SH3BP1: variants seen among roughly 807,000 people sequenced by gnomAD.
SH3BP1 encodes the protein SH3 domain binding protein 1.
Under a neutral mutation model 69.8 loss-of-function variants are expected in SH3BP1, and 46 were observed. The observed-to-expected ratio is 0.66, with a 90% CI of 0.52 to 0.84. The LOEUF (loss-of-function observed/expected upper bound fraction) is 0.84, where lower values mean the gene tolerates loss of function less well. Among genes scored for constraint, SH3BP1 ranks in the 40% least tolerant of loss-of-function variants. The pLI is 0.00. For synonymous variants in SH3BP1, 403 were observed against 378.0 expected, an observed-to-expected ratio of 1.07 and a Z score of -0.77; for missense variants, 868 against 930.9, an observed-to-expected ratio of 0.93 and a Z score of 0.88.
chr22:37,643,151 C>G lies in SH3BP1; in HGVS notation c.450C>G (p.Ser150=), dbSNP rs747219935. The change falls in exon 6 of 18, where the codon TCC becomes TCG. Residue 150 remains serine, a synonymous_variant. Transcript: ENST00000649765. ...KHKKSLQKLV[S]DWNTLKSRLS... is the part of the protein sequence containing the mutation. ...AGAAAAGCCTCCAGAAGCTCGTGTC[C>G]GACTGGAACACACTCAAGAGCAGGT... The G allele has an allele frequency of 6.2e-7, 1 of 1,607,198 alleles. No homozygotes were observed. Among genetic ancestry groups the G allele is most frequent in the Admixed American group, 1.7e-5 (1 of 59,236 alleles).
At chr22:37,651,289 C>T (rs1420600276) in intron 16 of SH3BP1, among the ~76,000 whole-genome samples, 1 of 151,598 alleles carries the variant, frequency 6.6e-6, no homozygotes, top group Non-Finnish European at 1.5e-5. Flanking sequence ...CCACCTTGGC[C>T]CCTGAAAGTG....
intron 1 of SH3BP1, 25 bp from the exon 2 acceptor site, chr22:37,641,096 TCTCCC>T: frequency 1.6e-6 from 2 of 1,287,352 alleles, no homozygotes; most frequent in Non-Finnish European, 2.1e-6. Context: ...GCAGAAGCAC[TCTCCC>T]CCCCCCCCCC....
At chr22:37,649,862 A>G (rs1201472643) in intron 14 of SH3BP1, 2 of 523,256 alleles carry the variant, frequency 3.8e-6, no homozygotes, top group Admixed American at 5.9e-5. Context: ...ACCTGGCCAC[A>G]GATGGCAAGA....
Position 37,650,196 on chromosome 22 carries a change from T to A in SH3BP1, c.1361T>A (p.Val454Glu). ...GCAGCCTCCGTGTCTTCCATCCAGGTGGTGGGCGTCGTCGAGGCGCTGATC... is the reference window on the plus strand; with the variant it reads ...GCAGCCTCCGTGTCTTCCATCCAGGAGGTGGGCGTCGTCGAGGCGCTGATC... The part of the protein sequence containing the change: ...LDAASVSSIQ[V>E]VGVVEALIQS... Residue 454 changes from valine (V) to glutamate (E), a missense_variant, in exon 15 of 18, where the codon GTG (valine) becomes GAG (glutamate). Physicochemically the swap from Val to Glu is moderately radical, Grantham distance 121. Transcript: ENST00000649765. The A allele has an allele frequency of 6.2e-7, 1 of 1,613,980 alleles. No homozygotes were observed. The highest frequency in any genetic ancestry group is 8.5e-7 in the Non-Finnish European group (1 of 1,180,002).
intron 14 of SH3BP1, chr22:37,648,701 T>A: frequency 8.5e-5 from 8 of 94,472 alleles, no homozygotes; most frequent in Middle Eastern, 4.1e-3. Flanking sequence ...GATCGGGTTC[T>A]TTTTTTTTTT....
At chr22:37,650,401 G>C in intron 15 of SH3BP1, 141 bp from the exon 16 acceptor site, 1 of 1,490,154 alleles carries the variant, frequency 6.7e-7, no homozygotes, top group South Asian at 1.3e-5. Flanking sequence ...CTGCTTTGTG[G>C]GGTGGTGGTG....
chr22:37,643,405 A>C, intron 6 of SH3BP1: 2 of 664,728 alleles, frequency 3.0e-6, no homozygotes, highest in Non-Finnish European at 5.1e-6. Context: ...GGGATCCTGT[A>C]AACAGTCCTG....
chr22:37,639,741 G>T lies in SH3BP1; in HGVS notation c.-47G>T. ...GCAGGCTGGACCGGGGGCTCCCCGGGCCCGCGACCCCCGCCGTGACCCCGC... is the reference window on the plus strand; with the variant it reads ...GCAGGCTGGACCGGGGGCTCCCCGGTCCCGCGACCCCCGCCGTGACCCCGC... On this transcript the variant is annotated 5_prime_UTR_variant, in exon 1 of 18. Coordinates refer to ENST00000649765, the MANE Select transcript of SH3BP1 (RefSeq NM_018957.6). The T allele has an allele frequency of 5.4e-6, 7 of 1,286,432 alleles. No individual in the cohort carries two copies. Among genetic ancestry groups the T allele is most frequent in the Non-Finnish European group, 7.4e-6 (7 of 951,828 alleles). The allele number at this position is 1,286,432 out of a possible 1,614,324, so 79.7% of individuals were successfully genotyped here.
intron 16 of SH3BP1, chr22:37,650,926 A>G (rs961804871): frequency 1.1e-5 from 7 of 628,522 alleles, no homozygotes; most frequent in Non-Finnish European, 1.8e-5. Context: ...TGTGTGCCCT[A>G]TTCATCATGT....
At chr22:37,641,103 C>CG (rs1932569621) in intron 1 of SH3BP1, 23 bp from the exon 2 acceptor site, 3 of 1,253,840 alleles carry the variant, frequency 2.4e-6, no homozygotes, top group South Asian at 1.4e-5. Flanking sequence ...CACTCTCCCC[C>CG]CCCCCCCCAC....
At chr22:37,645,063 TG>T (rs778711333) in intron 9 of SH3BP1, 103 bp downstream of exon 9, 14 of 1,117,664 alleles carry the variant, frequency 1.3e-5, no homozygotes, top group South Asian at 1.1e-4. Context: ...AAGCTGTGGA[TG>T]GGTTCTGAGA....
rs780124622 is a variant in SH3BP1 at position 37,655,313 on chromosome 22, C to A, written c.1735C>A (p.Gln579Lys). 2.6e-6 allele frequency: 4 copies of A among 1,559,072 alleles called. No individual in the cohort carries two copies. The highest frequency in any genetic ancestry group is 3.5e-6 in the Non-Finnish European group (4 of 1,155,426). ...APARPTMPPP[Q>K]VSGSRSSPPA... is the part of the protein sequence containing the mutation. ...AGCCCGGCCCACCATGCCGCCCCCC[C>A]AGGTCTCCGGCTCCCGCTCCTCCCC... Residue 579 changes from glutamine (Q) to lysine (K), a missense_variant, in exon 18 of 18, where the codon CAG becomes AAG. Transcript: ENST00000649765.
chr22:37,640,216 G>A (rs1932533734), intron 1 of SH3BP1, among the ~76,000 whole-genome samples: 1 of 152,024 alleles, frequency 6.6e-6, no homozygotes, highest in South Asian at 2.1e-4. Context: ...ACCTCTGCTT[G>A]CTGGGCCGGG....
chr22:37,643,071 C>T (rs754367196), intron 5 of SH3BP1, 27 bp from the exon 6 acceptor site: 2 of 1,609,224 alleles, frequency 1.2e-6, no homozygotes, highest in East Asian at 2.2e-5. Context: ...TCCCCCAGCA[C>T]ACTGACCCCC....
chr22:37,646,369 T>C (rs1222816604), intron 10 of SH3BP1, among the ~76,000 whole-genome samples: 2 of 151,334 alleles, frequency 1.3e-5, no homozygotes, highest in African/African-American at 4.9e-5. Flanking sequence ...AGCGATTGTG[T>C]CTCAGCCTCC....
In SH3BP1 at chr22:37,646,259, G is replaced by A. The variant is rs924732587; in HGVS notation, c.925-559G>A. On this transcript the variant is annotated intron_variant, in intron 10 of 17. Transcript: ENST00000649765. The stretch of plus-strand genomic sequence containing the variant: ...GTTGCAGGCATGAGCCACTGCGCCC[G>A]ACCCTTTTTTTTTTTTTGAGACAGG... Among the ~76,000 whole-genome samples the A allele has an allele frequency of 3.2e-4, 46 of 142,690 alleles. No individual in the cohort carries two copies. In the Middle Eastern group the frequency reaches 0.017, roughly 52 times the overall value. 93.6% of individuals were successfully genotyped at this position (142,690 alleles called of 152,430 possible). A position where few individuals can be genotyped will look rare whatever the true frequency, so the allele number is the denominator to read the frequency against.
rs776927181 is a variant in SH3BP1 at position 37,655,692 on chromosome 22, G to C, written c.*8G>C. 3.4e-6 allele frequency: 5 copies of C among 1,489,428 alleles called. No homozygotes were observed. In the South Asian group the frequency reaches 4.2e-5, roughly 12 times the overall value. The allele number at this position is 1,489,428 out of a possible 1,614,324, so 92.3% of individuals were successfully genotyped here. On this transcript the variant is annotated 3_prime_UTR_variant, in exon 18 of 18. Transcript: ENST00000649765. ...GCCTCAGAGACCAACTGAGTGGCTG[G>C]TTTCTCCCTAAGCAGCCCTCAGCAC...
intron 14 of SH3BP1, 95 bp from the exon 15 acceptor site, chr22:37,650,053 AATAT>A: frequency 7.6e-7 from 1 of 1,316,756 alleles, no homozygotes; most frequent in East Asian, 2.3e-5. Context: ...ACAAGGACTC[AATAT>A]GATGGATCCT....
Position 37,655,709 on chromosome 22 carries a change from C to T in SH3BP1, c.*25C>T. The T allele has an allele frequency of 6.8e-7, 1 of 1,464,650 alleles. No individual in the cohort carries two copies. The highest frequency in any genetic ancestry group is 1.4e-5 in the South Asian group (1 of 69,522). The allele number at this position is 1,464,650 out of a possible 1,614,324, so 90.7% of individuals were successfully genotyped here. A position where few individuals can be genotyped will look rare whatever the true frequency, so the allele number is the denominator to read the frequency against. ...AGTGGCTGGTTTCTCCCTAAGCAGC[C>T]CTCAGCACCCCCTCCCTCCCCACCT... On this transcript the variant is annotated 3_prime_UTR_variant, in exon 18 of 18. Coordinates refer to ENST00000649765, the MANE Select transcript of SH3BP1 (RefSeq NM_018957.6).
Sources: allele counts gnomAD v4.1 joint callset (sites outside exome capture counted in the v4.1 genomes callset), GRCh38; gene constraint gnomAD v4.1.1; transcripts MANE v1.5; gene names NCBI Gene and HGNC (gene_info 2026-07-23, HGNC 2026-07-21).